Variants in VPS33A observed in about 807,000 individuals in gnomAD.
VPS33A encodes the protein vacuolar protein sorting-associated protein 33A.
Under a neutral mutation model 71.8 loss-of-function variants are expected in VPS33A, and 32 were observed. That is an observed-to-expected ratio of 0.45 (90% confidence interval 0.34 to 0.60). VPS33A has a LOEUF of 0.60. Among genes scored for constraint, VPS33A ranks in the 20% least tolerant of loss-of-function variants. The pLI is 0.02. For missense variants in VPS33A, 625 were observed against 748.5 expected (o/e 0.84, Z 1.92); for synonymous variants, 311 against 292.7 (o/e 1.06, Z -0.64).
chr12:122,229,800 T>C lies in VPS33A; in HGVS notation c.*2446A>G, dbSNP rs971598600. 1.3e-5 allele frequency: 2 copies of C among 152,240 alleles called. No individual in the cohort carries two copies. The highest frequency in any genetic ancestry group is 4.8e-5 in the African/African-American group (2 of 41,464). The allele number at this position is 152,240 out of a possible 1,614,324, so 9.4% of individuals were successfully genotyped here. The stretch of plus-strand genomic sequence containing the variant: ...CTACCATTTTCTATTTGCATACAAA[T>C]GAAGCAATTGAAGTTTTTCAGTCTT... On this transcript the variant is annotated 3_prime_UTR_variant, in exon 13 of 13. Coordinates refer to ENST00000267199, the MANE Select transcript of VPS33A (RefSeq NM_022916.6).
At chr12:122,238,346 A>C (rs542296154) in intron 10 of VPS33A, among the ~76,000 whole-genome samples, 81 of 152,100 alleles carry the variant, frequency 5.3e-4, no homozygotes, top group Middle Eastern at 3.4e-3. Flanking sequence ...TGATCCTCTC[A>C]AATAGCTGGG....
At chr12:122,240,636 TGA>T (rs1234090632) in intron 8 of VPS33A, among the ~76,000 whole-genome samples, 4 of 152,212 alleles carry the variant, frequency 2.6e-5, no homozygotes, top group Non-Finnish European at 5.9e-5. Flanking sequence ...CCGATAACTG[TGA>T]TTTACTTAAG....
Position 122,229,795 on chromosome 12 carries a change from A to G in VPS33A, c.*2451T>C, listed in dbSNP as rs1593189134. 6.6e-6 allele frequency: 1 copy of G among 152,268 alleles called. No individual in the cohort carries two copies. The highest frequency in any genetic ancestry group is 1.9e-4 in the East Asian group (1 of 5,208). The allele number at this position is 152,268 out of a possible 1,614,324, so 9.4% of individuals were successfully genotyped here. A position where few individuals can be genotyped will look rare whatever the true frequency, so the allele number is the denominator to read the frequency against. ...ATTATCTACCATTTTCTATTTGCAT[A>G]CAAATGAAGCAATTGAAGTTTTTCA... is the stretch of plus-strand genomic sequence containing the variant. On this transcript the variant is annotated 3_prime_UTR_variant, in exon 13 of 13. Coordinates refer to ENST00000267199, the MANE Select transcript of VPS33A (RefSeq NM_022916.6).
intron 2 of VPS33A, 73 bp from the exon 3 acceptor site, chr12:122,263,772 T>TA (rs1955031068): frequency 2.9e-5 from 42 of 1,471,586 alleles, no homozygotes; most frequent in Non-Finnish European, 3.7e-5. Flanking sequence ...TCAGAAATCA[T>TA]AAATACCCCC....
Position 122,232,108 on chromosome 12 carries a change from T to G in VPS33A, c.*138A>C. The G allele has an allele frequency of 1.3e-6, 1 of 767,082 alleles. No individual in the cohort carries two copies. The highest frequency in any genetic ancestry group is 2.0e-6 in the Non-Finnish European group (1 of 489,704). The allele number at this position is 767,082 out of a possible 1,614,324, so 47.5% of individuals were successfully genotyped here. ...AAGAGACGGAGAAAGCAGTAAACAG[T>G]AGTATAATTTAAGAAGCTGACCCCA... On this transcript the variant is annotated 3_prime_UTR_variant, in exon 13 of 13. Transcript: ENST00000267199.
intron 10 of VPS33A, among the ~76,000 whole-genome samples, chr12:122,236,692 GGC>G (rs1320286239): frequency 6.6e-6 from 1 of 152,100 alleles, no homozygotes; most frequent in African/African-American, 2.4e-5. Flanking sequence ...CTATGAGCTG[GGC>G]ACTGTTCTGG....
At position 122,266,418 on chromosome 12, in the gene VPS33A, C is replaced by T; in HGVS notation, c.-10G>A. The T allele has an allele frequency of 6.2e-7, 1 of 1,606,916 alleles. No homozygotes were observed. Among genetic ancestry groups the T allele is most frequent in the Admixed American group, 1.7e-5 (1 of 59,768 alleles). ...ACAGATGAGCCGCCATCTTGCTCCA[C>T]CACCCCCTGCCCCACAACGCCAACC... On this transcript the variant is annotated 5_prime_UTR_variant, in exon 1 of 13. In the 5' UTR this introduces an upstream ATG that the reference lacks. Transcript: ENST00000267199.
rs2136119730 is a variant in VPS33A, at chr12:122,232,410, G to A, written c.1627C>T (p.Arg543Ter). Reference sequence around the variant, plus strand: ...CCAAGGAAAAATATCAGAGTCACTCGGTTTTCTCCCGGTTGACCTAAAATT... The same window carrying A: ...CCAAGGAAAAATATCAGAGTCACTCAGTTTTCTCCCGGTTGACCTAAAATT... The part of the protein sequence containing the change: ...LQKKRQPGEN[R>*]VTLIFFLGGV... Residue 543 changes from arginine to a stop codon, truncating the protein, a stop_gained, in exon 13 of 13, where the codon CGA becomes TGA. Transcript: ENST00000267199. LOFTEE classifies it high-confidence loss of function. 6.2e-7 allele frequency: 1 copy of A among 1,611,570 alleles called. No individual in the cohort carries two copies. Among genetic ancestry groups the A allele is most frequent in the Non-Finnish European group, 8.5e-7 (1 of 1,179,300 alleles).
chr12:122,249,812 T>A, intron 6 of VPS33A, 59 bp downstream of exon 6: 6 of 1,480,780 alleles, frequency 4.1e-6, no homozygotes, highest in Non-Finnish European at 5.5e-6. Context: ...AACAGTAGCC[T>A]CCACAAAGGA....
At chr12:122,251,988 T>C (rs912258238) in intron 4 of VPS33A, among the ~76,000 whole-genome samples, 3 of 151,444 alleles carry the variant, frequency 2.0e-5, no homozygotes, top group Non-Finnish European at 4.4e-5. Context: ...CTAGGTGCAG[T>C]GGCTCATGGC....
intron 7 of VPS33A, among the ~76,000 whole-genome samples, chr12:122,243,143 A>G (rs923639879): frequency 2.6e-5 from 4 of 152,226 alleles, no homozygotes; most frequent in African/African-American, 7.2e-5. Flanking sequence ...TAAACCATAC[A>G]AATTTCTGAG....
chr12:122,238,442 A>C, intron 10 of VPS33A, 145 bp downstream of exon 10: 1 of 1,018,652 alleles, frequency 9.8e-7, no homozygotes, highest in South Asian at 1.9e-5. Flanking sequence ...GGCTGGTCTC[A>C]AACTCCTAAC....
intron 11 of VPS33A, among the ~76,000 whole-genome samples, chr12:122,233,728 A>G (rs1593192384): frequency 1.3e-5 from 2 of 152,358 alleles, no homozygotes; most frequent in East Asian, 3.9e-4. Flanking sequence ...ATTTCTATCA[A>G]TAGCAATCTG....
chr12:122,234,818 T>C (rs1369541772), intron 11 of VPS33A, among the ~76,000 whole-genome samples: 11 of 152,180 alleles, frequency 7.2e-5, no homozygotes, highest in Non-Finnish European at 1.5e-5. Flanking sequence ...TGCTGGAGGT[T>C]GACCATACCC....
chr12:122,254,003 G>A (rs1236006145), intron 4 of VPS33A, among the ~76,000 whole-genome samples: 2 of 151,944 alleles, frequency 1.3e-5, no homozygotes, highest in South Asian at 2.1e-4. Context: ...ATTTAAATGC[G>A]CATTTTTTTA....
rs748862967 is a variant in VPS33A at position 122,242,389 on chromosome 12, A to G, written c.1089T>C (p.Asp363=). ...ATTACAAAGGATACTCACTAGTGAC[A>G]TCTTTGATCAATTCTGCAATTGAGG... is the stretch of plus-strand genomic sequence containing the variant. ...NHTSIAELIK[D]VTTSEDFFDK... Residue 363 remains aspartate (D), a synonymous_variant, in exon 8 of 13, where the codon GAT becomes GAC. Coordinates refer to ENST00000267199, the MANE Select transcript of VPS33A (RefSeq NM_022916.6). 10 of 1,613,386 alleles carry G rather than the reference A, an allele frequency of 6.2e-6. No homozygotes were observed. The highest frequency in any genetic ancestry group is 1.6e-4 in the Middle Eastern group (1 of 6,062).
chr12:122,247,093 A>C (rs1954786576), intron 6 of VPS33A, among the ~76,000 whole-genome samples: 2 of 152,308 alleles, frequency 1.3e-5, no homozygotes, highest in East Asian at 3.9e-4. Flanking sequence ...GGTTGTCCCA[A>C]GGTTTGGGGC....
At chr12:122,235,748 G>C (rs766177108) in intron 11 of VPS33A, 38 bp downstream of exon 11, 10 of 1,587,082 alleles carry the variant, frequency 6.3e-6, no homozygotes, top group Non-Finnish European at 8.6e-6. Flanking sequence ...GATCTAACCA[G>C]TCCCTAAGCT....
At chr12:122,256,985 G>T (rs1241428499) in intron 4 of VPS33A, among the ~76,000 whole-genome samples, 1 of 152,052 alleles carries the variant, frequency 6.6e-6, no homozygotes, top group East Asian at 1.9e-4. Context: ...ACATACCAAA[G>T]TATATATATC....
Sources: allele counts gnomAD v4.1 joint callset (sites outside exome capture counted in the v4.1 genomes callset), GRCh38; gene constraint gnomAD v4.1.1; transcripts MANE v1.5; gene names NCBI Gene and HGNC (gene_info 2026-07-23, HGNC 2026-07-21).